Variants in IQSEC3 observed in about 807,000 individuals in gnomAD.
The protein encoded by IQSEC3 is IQ motif and Sec7 domain ArfGEF 3, also known as IQ motif and SEC7 domain-containing protein 3.
Under a neutral mutation model 105.4 loss-of-function variants are expected in IQSEC3, and 50 were observed. The observed-to-expected ratio is 0.47, with a 90% CI of 0.38 to 0.60. IQSEC3 has a LOEUF of 0.60. IQSEC3 is among the 20% of genes least tolerant of loss of function. The pLI is 0.00. For synonymous variants in IQSEC3, 708 were observed against 746.0 expected (o/e 0.95, Z 0.83); for missense variants, 1,415 against 1,630.0 (o/e 0.87, Z 2.27).
rs550091443 is a variant in IQSEC3, at chr12:70,120, C to T, written c.554+2684C>T. 1.6e-4 allele frequency among the ~76,000 whole-genome samples: 25 copies of T among 152,360 alleles called. No homozygotes were observed. In the South Asian group the frequency reaches 4.6e-3, roughly 28 times the overall value. ...TCCTCTGGCCTCCTTTCAGCAAGAA[C>T]GCGACCCCACTGAGGTGGCTGAAGA... On this transcript the variant is annotated intron_variant, in intron 1 of 13. Transcript: ENST00000538872.
intron 1 of IQSEC3, chr12:77,296 G>A (rs1555069444): frequency 1.3e-5 from 2 of 152,320 alleles, no homozygotes; most frequent in East Asian, 3.9e-4. Flanking sequence ...TCAAGCAGCT[G>A]GACTCTGACC....
intron 3 of IQSEC3, among the ~76,000 whole-genome samples, chr12:136,792 ATTTAAGCCCATCACCT>A (rs59370909): frequency 0.27 from 41,732 of 151,788 alleles, 5,966 homozygotes; most frequent in Non-Finnish European, 0.3. Flanking sequence ...GGATGCCACC[ATTTAAGCCCATCACCT>A]TCACACAGGC....
chr12:110,506 T>C (rs1555079260), intron 2 of IQSEC3, among the ~76,000 whole-genome samples: 1 of 151,992 alleles, frequency 6.6e-6, no homozygotes, highest in East Asian at 1.9e-4. Context: ...CCTTGGGTCC[T>C]GCACTGGGGC....
intron 13 of IQSEC3, among the ~76,000 whole-genome samples, chr12:174,162 G>A (rs1166021478): frequency 3.9e-5 from 6 of 152,160 alleles, no homozygotes; most frequent in Non-Finnish European, 7.3e-5. Context: ...GGGAACAGAG[G>A]GAAAGGCTCA....
chr12:163,211 C>T (rs79291921), intron 8 of IQSEC3, among the ~76,000 whole-genome samples: 8,360 of 43,640 alleles, frequency 0.19, 98 homozygotes, highest in Admixed American at 0.28. Flanking sequence ...CCCTCCCCTC[C>T]CCCTCCACAG....
chr12:138,157 T>G lies in IQSEC3; in HGVS notation c.904-110T>G. Reference sequence around the variant, plus strand: ...GCCCAGGAGCGCCCCCCCGCCCCCGTCCATTCCTGGGCCCCACCCGAGTGT... The same window carrying G: ...GCCCAGGAGCGCCCCCCCGCCCCCGGCCATTCCTGGGCCCCACCCGAGTGT... On this transcript the variant is annotated intron_variant, in intron 3 of 13. Coordinates refer to ENST00000538872, the MANE Select transcript of IQSEC3 (RefSeq NM_001170738.2). The surrounding 1 kb of genome is among the most constrained non-coding windows in gnomAD (Gnocchi z 7.1). 2.1e-4 allele frequency: 193 copies of G among 926,334 alleles called. No individual in the cohort carries two copies. The highest frequency in any genetic ancestry group is 2.4e-4 in the Non-Finnish European group (149 of 616,800). 57.4% of individuals were successfully genotyped at this position (926,334 alleles called of 1,614,324 possible).
At chr12:98,142 G>C (rs369585528) in intron 1 of IQSEC3, among the ~76,000 whole-genome samples, 1 of 152,180 alleles carries the variant, frequency 6.6e-6, no homozygotes, top group Non-Finnish European at 1.5e-5. Flanking sequence ...TGCCTAGGAC[G>C]GCAACTGCTT....
intron 3 of IQSEC3, among the ~76,000 whole-genome samples, chr12:133,325 C>T (rs927114173): frequency 5.9e-5 from 9 of 152,176 alleles, no homozygotes; most frequent in Admixed American, 4.6e-4. Context: ...CCATGTGACT[C>T]GTAATCAGCA....
chr12:126,574 C>G (rs73036118), intron 3 of IQSEC3, among the ~76,000 whole-genome samples: 1 of 109,222 alleles, frequency 9.2e-6, no homozygotes, highest in South Asian at 2.7e-4. Context: ...TGTGTGTGTG[C>G]GCTTAGAGAA....
At chr12:75,370 G>T (rs1863477076) in intron 1 of IQSEC3, among the ~76,000 whole-genome samples, 1 of 152,132 alleles carries the variant, frequency 6.6e-6, no homozygotes, top group Admixed American at 6.5e-5. Context: ...GTTTGGCTCT[G>T]GTAAGGAAAG....
At chr12:74,105 T>C (rs2136865946) in intron 1 of IQSEC3, among the ~76,000 whole-genome samples, 1 of 152,330 alleles carries the variant, frequency 6.6e-6, no homozygotes, top group East Asian at 1.9e-4. Flanking sequence ...GAAGGTACAC[T>C]GACTTGTCAA....
chr12:144,521 G>T (rs940581411), intron 5 of IQSEC3: 1 of 152,240 alleles, frequency 6.6e-6, no homozygotes, highest in Non-Finnish European at 1.5e-5. Context: ...AGGAAGAGCC[G>T]ATGAGAAAGC....
chr12:84,911 C>T (rs1555071645), intron 1 of IQSEC3, among the ~76,000 whole-genome samples: 3 of 152,164 alleles, frequency 2.0e-5, no homozygotes, highest in African/African-American at 7.2e-5. Flanking sequence ...ACCTCCTCTG[C>T]AGATGCCTGG....
At chr12:92,948 C>T (rs1287075719) in intron 1 of IQSEC3, among the ~76,000 whole-genome samples, 7 of 152,216 alleles carry the variant, frequency 4.6e-5, no homozygotes, top group African/African-American at 1.4e-4. Context: ...AGAAATACTT[C>T]CTTTCTTTCT....
intron 1 of IQSEC3, among the ~76,000 whole-genome samples, chr12:86,663 GCGCA>G (rs1555072147): frequency 6.6e-6 from 1 of 152,172 alleles, no homozygotes; most frequent in Non-Finnish European, 1.5e-5. Context: ...CCCCATATCA[GCGCA>G]CGGCCTAGTA....
chr12:143,343 C>T (rs532465492), intron 5 of IQSEC3: 1 of 152,814 alleles, frequency 6.5e-6, no homozygotes, highest in East Asian at 1.9e-4. Flanking sequence ...AATAGCTGGA[C>T]CCGGGCTCTG....
chr12:99,229 C>T lies in IQSEC3; in HGVS notation c.623+15C>T. ...GCCTCCCAAAGGTGGGAACTGTGGC[C>T]CTTCCTCCCTTCCGCATCCCCACCT... is the stretch of plus-strand genomic sequence containing the variant. On this transcript the variant is annotated intron_variant, in intron 2 of 13. Transcript: ENST00000538872. The T allele has an allele frequency of 6.3e-7, 1 of 1,595,248 alleles. No individual in the cohort carries two copies. The highest frequency in any genetic ancestry group is 8.5e-7 in the Non-Finnish European group (1 of 1,177,928).
At chr12:151,099 A>T (rs1233968412) in intron 5 of IQSEC3, among the ~76,000 whole-genome samples, 1 of 131,750 alleles carries the variant, frequency 7.6e-6, no homozygotes, top group African/African-American at 2.9e-5. Flanking sequence ...CAAGATGGAG[A>T]CTCCGTCTCT....
rs570295770 is a variant in IQSEC3 at position 71,814 on chromosome 12, A to G, written c.554+4378A>G. On this transcript the variant is annotated intron_variant, in intron 1 of 13. Transcript: ENST00000538872. ...ATGGCCCATGCTCATCAATCTGCCT[A>G]TCCTCTTGTTCTTCCCCTATCCCCA... is the stretch of plus-strand genomic sequence containing the variant. 2.6e-5 allele frequency among the ~76,000 whole-genome samples: 4 copies of G among 152,386 alleles called. No homozygotes were observed. In the East Asian group the frequency reaches 7.7e-4, roughly 29 times the overall value.
Sources: allele counts gnomAD v4.1 joint callset (sites outside exome capture counted in the v4.1 genomes callset), GRCh38; gene constraint gnomAD v4.1.1; non-coding constraint Gnocchi (gnomAD v3.1); transcripts MANE v1.5; gene names NCBI Gene and HGNC (gene_info 2026-07-23, HGNC 2026-07-21).